MARK1: variants seen among roughly 807,000 people sequenced by gnomAD.
MARK1 encodes microtubule affinity regulating kinase 1.
In MARK1, 40 loss-of-function variants were observed where a neutral mutation model predicts 96.3. That is an observed-to-expected ratio of 0.42 (90% CI 0.32 to 0.54). The LOEUF is 0.54. Ranked by LOEUF, MARK1 falls within the 20% of genes least tolerant of loss-of-function variation. The pLI is 0.16. For missense variants in MARK1, 719 were observed against 984.6 expected, an observed-to-expected ratio of 0.73 and a Z score of 3.61; for synonymous variants, 317 against 341.2, an observed-to-expected ratio of 0.93 and a Z score of 0.78.
In MARK1 at chr1:220,654,068, G is replaced by T. The variant is rs1262105201; in HGVS notation, c.1988+716G>T. The stretch of plus-strand genomic sequence containing the variant: ...AAAGCACTGTGTTAGGTGCAGAACA[G>T]AATCTAAAGATAGGTAAGATGGCAT... On this transcript the variant is annotated intron_variant, in intron 16 of 17. Coordinates refer to ENST00000366917, the MANE Select transcript of MARK1 (RefSeq NM_018650.5). The surrounding 1 kb of genome is among the most constrained non-coding windows in gnomAD (Gnocchi z 4.0). Among the ~76,000 whole-genome samples, 1 of 152,166 alleles carries T rather than the reference G, an allele frequency of 6.6e-6. No homozygotes were observed. Among genetic ancestry groups the T allele is most frequent in the Non-Finnish European group, 1.5e-5 (1 of 68,006 alleles).
chr1:220,624,152 G>C (rs909535966), intron 9 of MARK1, among the ~76,000 whole-genome samples: 1 of 151,540 alleles, frequency 6.6e-6, no homozygotes, highest in African/African-American at 2.4e-5. Flanking sequence ...ACAAAAATTA[G>C]CTGGGCATGG....
chr1:220,565,211 C>T (rs564796813), intron 1 of MARK1, among the ~76,000 whole-genome samples: 37 of 152,224 alleles, frequency 2.4e-4, no homozygotes, highest in African/African-American at 8.4e-4. Flanking sequence ...AATATATTCC[C>T]ATTTGTTTCT....
At chr1:220,621,866 C>T (rs748364383) in intron 9 of MARK1, among the ~76,000 whole-genome samples, 1 of 152,086 alleles carries the variant, frequency 6.6e-6, no homozygotes, top group Non-Finnish European at 1.5e-5. Context: ...TGCTACCAGA[C>T]ATAACTGTGT....
At chr1:220,535,714 G>A (rs1038679848) in intron 1 of MARK1, among the ~76,000 whole-genome samples, 3 of 152,042 alleles carry the variant, frequency 2.0e-5, no homozygotes, top group Non-Finnish European at 4.4e-5. Flanking sequence ...AGGGTCCAGT[G>A]TCATTCTTTT....
At chr1:220,602,603 C>G (rs913373064) in intron 5 of MARK1, among the ~76,000 whole-genome samples, 1 of 152,066 alleles carries the variant, frequency 6.6e-6, no homozygotes, top group Non-Finnish European at 1.5e-5. Context: ...CTAGAATTAA[C>G]TGCTATGATG....
chr1:220,622,962 C>A (rs963953713), intron 9 of MARK1, among the ~76,000 whole-genome samples: 3 of 152,052 alleles, frequency 2.0e-5, no homozygotes, highest in African/African-American at 4.8e-5. Flanking sequence ...TTCTTTAATT[C>A]GTCTGAATTA....
chr1:220,578,376 A>G (rs551446784), intron 1 of MARK1, among the ~76,000 whole-genome samples: 1 of 152,220 alleles, frequency 6.6e-6, no homozygotes, highest in Non-Finnish European at 1.5e-5. Context: ...ATAGGTGAAC[A>G]GGATCAGCTC....
intron 6 of MARK1, among the ~76,000 whole-genome samples, chr1:220,611,359 G>A (rs1460979536): frequency 2.6e-5 from 4 of 152,224 alleles, no homozygotes; most frequent in East Asian, 3.9e-4. Flanking sequence ...GCAAGGCTCC[G>A]TGGGCGTAGG....
At chr1:220,548,834 C>T (rs191989914) in intron 1 of MARK1, among the ~76,000 whole-genome samples, 272 of 152,134 alleles carry the variant, frequency 1.8e-3, no homozygotes, top group Middle Eastern at 0.017. Context: ...TTTGCTGTAA[C>T]GTTTTTGTTC....
At chr1:220,648,465 A>G (rs1306684243) in intron 13 of MARK1, among the ~76,000 whole-genome samples, 1 of 152,210 alleles carries the variant, frequency 6.6e-6, no homozygotes, top group African/African-American at 2.4e-5. Context: ...GCATAATTGT[A>G]TCTTAAATTT....
rs982105987 is a variant in MARK1 at position 220,581,043 on chromosome 1, T to G, written c.256-22T>G. On this transcript the variant is annotated intron_variant, in intron 2 of 17. Transcript: ENST00000366917. ...TAAAATATGCATTTTTCAAATAGAG[T>G]TTAATGATTCTTCTTTTTTAGGTTG... is the stretch of plus-strand genomic sequence containing the variant. 8 of 1,137,840 alleles carry G rather than the reference T, an allele frequency of 7.0e-6. No homozygotes were observed. The Admixed American group carries it at 9.0e-5, about 13-fold the overall frequency. 70.5% of individuals were successfully genotyped at this position (1,137,840 alleles called of 1,614,324 possible).
chr1:220,626,556 G>A, intron 9 of MARK1: 1 of 459,152 alleles, frequency 2.2e-6, no homozygotes, highest in Non-Finnish European at 4.3e-6. Flanking sequence ...TGTCGTGGTG[G>A]CTCATGCCTG....
chr1:220,650,091 C>G (rs543169709), intron 13 of MARK1, among the ~76,000 whole-genome samples: 2 of 152,194 alleles, frequency 1.3e-5, no homozygotes, highest in Non-Finnish European at 2.9e-5. Context: ...ACTGCACACA[C>G]CACTGTTGGT....
intron 17 of MARK1, among the ~76,000 whole-genome samples, chr1:220,660,342 G>A (rs1301777706): frequency 3.3e-5 from 5 of 152,072 alleles, no homozygotes; most frequent in African/African-American, 1.2e-4. Flanking sequence ...TTTTCTCTAC[G>A]TATTCCTTTC....
At chr1:220,566,973 A>T (rs1663105174) in intron 1 of MARK1, among the ~76,000 whole-genome samples, 2 of 152,280 alleles carry the variant, frequency 1.3e-5, no homozygotes, top group Middle Eastern at 6.8e-3. Context: ...ATTCAAATAC[A>T]TGAAAATTTT....
In MARK1 at chr1:220,662,204, A is replaced by G. The variant is rs1226331427; in HGVS notation, c.*38A>G. ...TTACAGGTTCAGGGAAGATACATAC[A>G]TATATGAGGTACAGTTTTTGAATGT... On this transcript the variant is annotated 3_prime_UTR_variant, in exon 18 of 18. Coordinates refer to ENST00000366917, the MANE Select transcript of MARK1 (RefSeq NM_018650.5). The G allele has an allele frequency of 4.1e-6, 6 of 1,470,272 alleles. No individual in the cohort carries two copies. In the Admixed American group the frequency reaches 8.8e-5, roughly 21 times the overall value. 91.1% of individuals were successfully genotyped at this position (1,470,272 alleles called of 1,614,324 possible).
intron 9 of MARK1, among the ~76,000 whole-genome samples, chr1:220,629,375 G>A (rs1337549680): frequency 6.8e-6 from 1 of 147,108 alleles, no homozygotes; most frequent in Non-Finnish European, 1.5e-5. Flanking sequence ...TTTTGGTGGT[G>A]GTGGTGGTAA....
intron 1 of MARK1, among the ~76,000 whole-genome samples, chr1:220,556,337 A>G (rs912793672): frequency 6.6e-6 from 1 of 152,148 alleles, no homozygotes; most frequent in Non-Finnish European, 1.5e-5. Flanking sequence ...TAAATAAATG[A>G]AAACATCAGC....
At chr1:220,651,139 C>T (rs564671368) in intron 14 of MARK1, among the ~76,000 whole-genome samples, 1 of 152,210 alleles carries the variant, frequency 6.6e-6, no homozygotes, top group East Asian at 1.9e-4. Flanking sequence ...TCTTATTTCT[C>T]ATCATTCAGA....
Sources: gnomAD v4.1 joint callset for allele counts (sites outside exome capture counted in the v4.1 genomes callset) on GRCh38, gnomAD v4.1.1 for gene constraint, Gnocchi (gnomAD v3.1) non-coding constraint, MANE v1.5 for transcripts, NCBI Gene and HGNC (gene_info 2026-07-23, HGNC 2026-07-21) for gene names.